UBE2U: variants seen among roughly 807,000 people sequenced by gnomAD.
UBE2U encodes the protein ubiquitin conjugating enzyme E2 U.
A neutral mutation model predicts 41.2 loss-of-function variants in UBE2U; 39 were observed. That is an observed-to-expected ratio of 0.95 (90% CI 0.73 to 1.24). The LOEUF (loss-of-function observed/expected upper bound fraction) is 1.24, where lower values mean the gene tolerates loss of function less well. Among genes scored for constraint, UBE2U ranks in the 50% most tolerant of loss-of-function variants. UBE2U has a pLI of 0.00. For synonymous variants in UBE2U, 107 were observed against 117.8 expected (o/e 0.91, Z 0.60); for missense variants, 336 against 363.1 (o/e 0.93, Z 0.61).
intron 8 of UBE2U, among the ~76,000 whole-genome samples, chr1:64,259,138 T>G (rs539105239): frequency 9.8e-5 from 15 of 152,352 alleles, no homozygotes; most frequent in Non-Finnish European, 1.9e-4. Flanking sequence ...AAGTGTCTGT[T>G]CATATCCTTT....
intron 8 of UBE2U, among the ~76,000 whole-genome samples, chr1:64,255,341 A>G (rs188798138): frequency 6.6e-6 from 1 of 152,286 alleles, no homozygotes; most frequent in East Asian, 1.9e-4. Context: ...CCAGAGGTAC[A>G]GAGAAGAGCT....
rs149062313 is a variant in UBE2U, at chr1:64,239,157, A to AAAGAAGAAGAAGAAG, written c.596-2474_596-2460dup. On this transcript the variant is annotated intron_variant, in intron 7 of 9. Transcript: ENST00000371077. ...GAAGAAGAAGAAGAAGAAGAAGAAG[A>AAAGAAGAAGAAGAAG]AAGAAGAAGAAGAAGAAGAAGAAGA... Among the ~76,000 whole-genome samples the AAAGAAGAAGAAGAAG allele has an allele frequency of 3.8e-4, 14 of 37,052 alleles. 1 individual carries two copies. Among genetic ancestry groups the AAAGAAGAAGAAGAAG allele is most frequent in the Admixed American group, 2.9e-3 (9 of 3,152 alleles). 24.3% of individuals were successfully genotyped at this position (37,052 alleles called of 152,430 possible).
chr1:64,267,017 A>G lies in UBE2U; in HGVS notation c.770-7A>G. 1 of 1,545,844 alleles carries G rather than the reference A, an allele frequency of 6.5e-7. No individual in the cohort carries two copies. The highest frequency in any genetic ancestry group is 8.7e-7 in the Non-Finnish European group (1 of 1,145,560). ...TAAATTTCTATTTTTTATAATTCCCACCACAGATGAAATTTTTCTTGAGTC... is the reference window on the plus strand; with the variant it reads ...TAAATTTCTATTTTTTATAATTCCCGCCACAGATGAAATTTTTCTTGAGTC... On this transcript the variant is annotated splice_polypyrimidine_tract_variant and splice_region_variant and intron_variant, in intron 9 of 9. Transcript: ENST00000371077.
chr1:64,250,866 G>A (rs1644996413), intron 8 of UBE2U, among the ~76,000 whole-genome samples: 1 of 146,888 alleles, frequency 6.8e-6, no homozygotes, highest in Non-Finnish European at 1.5e-5. Context: ...TGAACAATGA[G>A]AACACATGGA....
intron 3 of UBE2U, among the ~76,000 whole-genome samples, chr1:64,210,242 C>A (rs1651583242): frequency 6.6e-6 from 1 of 152,098 alleles, no homozygotes; most frequent in Non-Finnish European, 1.5e-5. Flanking sequence ...TTTTCAAACA[C>A]TAAATTACTT....
At chr1:64,227,442 T>C (rs2100362225) in intron 6 of UBE2U, among the ~76,000 whole-genome samples, 1 of 152,280 alleles carries the variant, frequency 6.6e-6, no homozygotes, top group South Asian at 2.1e-4. Flanking sequence ...AAGATCAAAG[T>C]TAAGATTAAA....
intron 8 of UBE2U, among the ~76,000 whole-genome samples, chr1:64,243,953 G>C (rs966103038): frequency 2.0e-5 from 3 of 152,120 alleles, no homozygotes; most frequent in Non-Finnish European, 4.4e-5. Context: ...TTGTGCCTCA[G>C]ATTTATCTGT....
intron 8 of UBE2U, among the ~76,000 whole-genome samples, chr1:64,243,919 C>A (rs1183573124): frequency 6.6e-6 from 1 of 152,108 alleles, no homozygotes; most frequent in African/African-American, 2.4e-5. Flanking sequence ...GCTCTGTGAC[C>A]TTGAGCAAGG....
chr1:64,263,242 T>C (rs548521082), intron 9 of UBE2U, among the ~76,000 whole-genome samples: 2 of 152,194 alleles, frequency 1.3e-5, no homozygotes, highest in African/African-American at 4.8e-5. Flanking sequence ...TAATTCCTGC[T>C]CCACCTACAT....
intron 8 of UBE2U, among the ~76,000 whole-genome samples, chr1:64,258,513 G>A (rs1474743001): frequency 2.8e-5 from 3 of 106,872 alleles, no homozygotes; most frequent in South Asian, 3.0e-4. Context: ...GATGTTCCCC[G>A]CCCCGTGTCC....
chr1:64,239,157 A>AGAAGAG (rs756975010), intron 7 of UBE2U, among the ~76,000 whole-genome samples: 1 of 37,064 alleles, frequency 2.7e-5, no homozygotes, highest in African/African-American at 8.5e-5. Context: ...GAAGAAGAAG[A>AGAAGAG]AAGAAGAAGA....
intron 6 of UBE2U, among the ~76,000 whole-genome samples, chr1:64,224,939 A>T (rs942839835): frequency 5.3e-3 from 436 of 82,160 alleles, no homozygotes; most frequent in African/African-American, 0.021. Flanking sequence ...ATATTATCAC[A>T]CACACACACA....
chr1:64,254,471 C>T (rs1478731261), intron 8 of UBE2U, among the ~76,000 whole-genome samples: 2 of 152,182 alleles, frequency 1.3e-5, no homozygotes, highest in Non-Finnish European at 2.9e-5. Flanking sequence ...TTCTCATTGC[C>T]ACACAGCACT....
At chr1:64,259,007 C>A (rs565680767) in intron 8 of UBE2U, among the ~76,000 whole-genome samples, 1 of 152,136 alleles carries the variant, frequency 6.6e-6, no homozygotes, top group Admixed American at 6.5e-5. Context: ...TTTTAATGAT[C>A]GTCATTCTAA....
chr1:64,214,757 G>C, intron 4 of UBE2U, 58 bp from the exon 5 acceptor site: 1 of 1,368,338 alleles, frequency 7.3e-7, no homozygotes, highest in Non-Finnish European at 1.0e-6. Flanking sequence ...TTGGTTTGTC[G>C]TTTTGCTCTA....
chr1:64,257,449 A>G (rs1184896037), intron 8 of UBE2U, among the ~76,000 whole-genome samples: 1 of 152,234 alleles, frequency 6.6e-6, no homozygotes, highest in Non-Finnish European at 1.5e-5. Flanking sequence ...GAACGAGATC[A>G]TGTCCTTTGC....
chr1:64,264,372 A>G lies in UBE2U; in HGVS notation c.770-2652A>G, dbSNP rs115604111. Among the ~76,000 whole-genome samples, 457 of 152,298 alleles carry G rather than the reference A, an allele frequency of 3.0e-3. 3 individuals are homozygous for G. The highest frequency in any genetic ancestry group is 5.1e-3 in the Non-Finnish European group (348 of 68,016). ...ATCCCCACCTTTATTACTGATTCCA[A>G]CCACCAAATCCAAGGTGTCTCAGAG... On this transcript the variant is annotated intron_variant, in intron 9 of 9. Coordinates refer to ENST00000371077, the MANE Select transcript of UBE2U (RefSeq NM_001366232.2).
At chr1:64,232,768 T>C (rs1570051221) in intron 7 of UBE2U, 119 bp downstream of exon 7, 1 of 642,018 alleles carries the variant, frequency 1.6e-6, no homozygotes, top group Non-Finnish European at 2.7e-6. Flanking sequence ...AACTTCTCTG[T>C]AGGCTCTATA....
At chr1:64,262,769 AAGG>A (rs1242898392) in intron 9 of UBE2U, among the ~76,000 whole-genome samples, 5 of 152,194 alleles carry the variant, frequency 3.3e-5, no homozygotes, top group Admixed American at 2.0e-4. Context: ...CACACTCAGA[AAGG>A]AGGAGTTTAC....
Sources: allele counts gnomAD v4.1 joint callset (sites outside exome capture counted in the v4.1 genomes callset), GRCh38; gene constraint gnomAD v4.1.1; transcripts MANE v1.5; gene names NCBI Gene and HGNC (gene_info 2026-07-23, HGNC 2026-07-21).